Variants in EVI5 observed in about 807,000 individuals in gnomAD.
EVI5 encodes ecotropic viral integration site 5, also known as ecotropic viral integration site 5 protein homolog.
In EVI5, 73 loss-of-function variants were observed where a neutral mutation model predicts 112.0. The ratio of observed to expected loss-of-function variants is 0.65; its 90% CI spans 0.54 to 0.79. EVI5 has a LOEUF of 0.79. Ranked by LOEUF, EVI5 falls within the 30% of genes least tolerant of loss-of-function variation. The pLI is 0.00. For synonymous variants in EVI5, 305 were observed against 319.9 expected, an observed-to-expected ratio of 0.95 and a Z score of 0.50; for missense variants, 900 against 968.8, an observed-to-expected ratio of 0.93 and a Z score of 0.94.
chr1:92,768,742 G>C (rs775765839), intron 1 of EVI5, among the ~76,000 whole-genome samples: 3 of 152,128 alleles, frequency 2.0e-5, no homozygotes, highest in Non-Finnish European at 4.4e-5. Flanking sequence ...GGGTGTGGCA[G>C]CACATGCCTG....
chr1:92,693,470 A>G (rs1268454916), intron 9 of EVI5, among the ~76,000 whole-genome samples: 1 of 152,168 alleles, frequency 6.6e-6, no homozygotes, highest in Non-Finnish European at 1.5e-5. Context: ...CTTAAGTGAC[A>G]CTGTGGGGTC....
At chr1:92,523,440 AT>A (rs1188741807) in intron 19 of EVI5, among the ~76,000 whole-genome samples, 2 of 151,962 alleles carry the variant, frequency 1.3e-5, no homozygotes, top group East Asian at 1.9e-4. Flanking sequence ...TTATTAATAT[AT>A]TTTTTAAAAA....
rs1655555957 is a variant in EVI5, at chr1:92,625,853, CT to C, written c.1608del (p.Ala537ProfsTer5). The C allele has an allele frequency of 6.2e-7, 1 of 1,612,410 alleles. No individual in the cohort carries two copies. Among genetic ancestry groups the C allele is most frequent in the Admixed American group, 1.7e-5 (1 of 59,992 alleles). On this transcript the variant is annotated frameshift_variant, in exon 15 of 20. Coordinates refer to ENST00000684568, the MANE Select transcript of EVI5 (RefSeq NM_001350197.2). LOFTEE classifies it high-confidence loss of function. ...CTAAGTTCTTTCAAACCCATAATGG[CT>C]TCTGCTTCTCTAAGTTTCACAGCAA... ...ELIAVKLREAEAIMGLKELRQ... is the reference protein window; with the variant it reads ...ELIAVKLREAXAIMGLKELRQ...
intron 7 of EVI5, among the ~76,000 whole-genome samples, chr1:92,694,764 A>G (rs1248748635): frequency 6.6e-6 from 1 of 152,228 alleles, no homozygotes; most frequent in East Asian, 1.9e-4. Flanking sequence ...GGTAATACAA[A>G]TTGATTTTCC....
chr1:92,649,996 TGTATG>T (rs1557995420), intron 13 of EVI5, among the ~76,000 whole-genome samples: 2 of 152,226 alleles, frequency 1.3e-5, no homozygotes, highest in African/African-American at 4.8e-5. Flanking sequence ...TGGCCATAGA[TGTATG>T]GGTTTATTTC....
intron 1 of EVI5, among the ~76,000 whole-genome samples, chr1:92,768,712 A>G (rs1682987789): frequency 6.6e-6 from 1 of 152,076 alleles, no homozygotes; most frequent in Non-Finnish European, 1.5e-5. Flanking sequence ...CCATCTCTAC[A>G]AAAAATACAA....
chr1:92,641,925 G>A (rs987327944), intron 13 of EVI5, among the ~76,000 whole-genome samples: 6 of 152,084 alleles, frequency 3.9e-5, no homozygotes, highest in Non-Finnish European at 8.8e-5. Flanking sequence ...GGATCACGAC[G>A]TCAGGAGATC....
At chr1:92,649,118 A>T (rs1239925432) in intron 13 of EVI5, among the ~76,000 whole-genome samples, 1 of 152,230 alleles carries the variant, frequency 6.6e-6, no homozygotes, top group East Asian at 1.9e-4. Context: ...CATTTCCCTC[A>T]TGAAAAATGA....
chr1:92,751,386 T>C (rs1185534474), intron 1 of EVI5, among the ~76,000 whole-genome samples: 2 of 152,180 alleles, frequency 1.3e-5, no homozygotes, highest in Non-Finnish European at 2.9e-5. Context: ...CTCCTCAACA[T>C]ATTCGAGCAT....
At chr1:92,696,921 T>C (rs1670419390) in intron 6 of EVI5, among the ~76,000 whole-genome samples, 1 of 151,980 alleles carries the variant, frequency 6.6e-6, no homozygotes, top group African/African-American at 2.4e-5. Context: ...GCACCTGTAG[T>C]CCCAGCTACT....
intron 19 of EVI5, among the ~76,000 whole-genome samples, chr1:92,561,745 C>T (rs937135667): frequency 5.9e-5 from 9 of 152,050 alleles, no homozygotes; most frequent in African/African-American, 2.2e-4. Flanking sequence ...TCAAGCGATT[C>T]TCCTGCCCCA....
chr1:92,521,476 A>G (rs1197739282), intron 19 of EVI5, among the ~76,000 whole-genome samples: 1 of 152,136 alleles, frequency 6.6e-6, no homozygotes, highest in Non-Finnish European at 1.5e-5. Context: ...GGATCACTTG[A>G]GGTCAGGAGT....
intron 13 of EVI5, among the ~76,000 whole-genome samples, chr1:92,637,346 C>T (rs929780513): frequency 2.6e-5 from 4 of 151,180 alleles, no homozygotes; most frequent in Non-Finnish European, 4.4e-5. Flanking sequence ...CCACTGTACT[C>T]CAGCCCAGGT....
intron 18 of EVI5, chr1:92,580,892 T>G (rs892129511): frequency 7.2e-5 from 11 of 152,252 alleles, no homozygotes; most frequent in African/African-American, 2.4e-4. Flanking sequence ...TCTGTTAATT[T>G]TATTGAATTA....
intron 16 of EVI5, among the ~76,000 whole-genome samples, chr1:92,619,445 CATAT>C (rs34573809): frequency 2.7e-5 from 4 of 146,882 alleles, no homozygotes; most frequent in South Asian, 4.4e-4. Context: ...AATAAACTCC[CATAT>C]ATATATATAT....
chr1:92,663,953 A>T (rs954034849), intron 11 of EVI5, among the ~76,000 whole-genome samples: 1 of 152,216 alleles, frequency 6.6e-6, no homozygotes, highest in Non-Finnish European at 1.5e-5. Flanking sequence ...TTGCTATGTT[A>T]CCCAGGCCAA....
chr1:92,792,015 A>G (rs896995767), intron 1 of EVI5, among the ~76,000 whole-genome samples: 3 of 152,238 alleles, frequency 2.0e-5, no homozygotes, highest in African/African-American at 7.2e-5. Flanking sequence ...GAATGTGTAT[A>G]TTCAAAGAAA....
intron 1 of EVI5, among the ~76,000 whole-genome samples, chr1:92,738,885 G>A (rs1035456457): frequency 2.0e-4 from 31 of 151,972 alleles, no homozygotes; most frequent in African/African-American, 7.5e-4. Context: ...GGTAAATTGA[G>A]GTCACATAAA....
intron 2 of EVI5, chr1:92,713,974 A>G: frequency 1.1e-6 from 1 of 944,318 alleles, no homozygotes; most frequent in Non-Finnish European, 1.3e-6. Context: ...TTAAAATGCA[A>G]TCCTATTATA....
Sources: gnomAD v4.1 joint callset for allele counts (sites outside exome capture counted in the v4.1 genomes callset) on GRCh38, gnomAD v4.1.1 for gene constraint, MANE v1.5 for transcripts, NCBI Gene and HGNC (gene_info 2026-07-23, HGNC 2026-07-21) for gene names.